The following FRMPD4 variants were observed in gnomAD, a reference collection of about 807,000 sequenced individuals.
FRMPD4 encodes the protein FERM and PDZ domain-containing protein 4.
In FRMPD4, 22 loss-of-function variants were observed where a neutral mutation model predicts 94.1. The observed-to-expected ratio is 0.23, with a 90% CI of 0.17 to 0.33. FRMPD4 has a LOEUF of 0.33. Ranked by LOEUF, FRMPD4 falls within the 10% of genes least tolerant of loss-of-function variation. FRMPD4 has a pLI of 1.00. For synonymous variants in FRMPD4, 631 were observed against 548.6 expected, an observed-to-expected ratio of 1.15 and a Z score of -2.10; for missense variants, 1,111 against 1,339.9, an observed-to-expected ratio of 0.83 and a Z score of 2.67.
rs3068660 is a variant in FRMPD4, at chrX:12,388,818, GATATATATATAT to G, written c.42-109840_42-109829del. 5.0e-3 allele frequency among the ~76,000 whole-genome samples: 304 copies of G among 60,730 alleles called. 5 individuals are homozygous for G. Among genetic ancestry groups the G allele is most frequent in the African/African-American group, 0.024 (284 of 11,984 alleles). The allele number at this position is 60,730 out of a possible 115,157, so 52.7% of individuals were successfully genotyped here. On this transcript the variant is annotated intron_variant, in intron 1 of 16. Transcript: ENST00000675598. ...ACGGATGAATGGATAAAGAAAATGT[GATATATATATAT>G]ATATATATATATATATATATACACA...
chrX:11,915,043 C>A (rs2054017429), intron 3 of FRMPD4, among the ~76,000 whole-genome samples: 1 of 111,015 alleles, frequency 9.0e-6, no homozygotes, highest in Non-Finnish European at 1.9e-5. Context: ...TCTAGCAATG[C>A]AAAAAAAAGA....
At chrX:11,987,097 T>TCAAAAAAAA (rs1569137639) in intron 3 of FRMPD4, among the ~76,000 whole-genome samples, 6 of 14,649 alleles carry the variant, frequency 4.1e-4, no homozygotes, top group African/African-American at 2.9e-3. Context: ...CAAAGACACA[T>TCAAAAAAAA]TAAAAAAAAA....
At chrX:11,840,297 A>G (rs1234464865) in intron 1 of FRMPD4, among the ~76,000 whole-genome samples, 1 of 111,629 alleles carries the variant, frequency 9.0e-6, no homozygotes, top group Non-Finnish European at 1.9e-5. Flanking sequence ...CTTTTGTTAA[A>G]TGTATTCCCA....
chrX:12,231,018 A>ATATAT (rs60562591), intron 1 of FRMPD4, among the ~76,000 whole-genome samples: 1 of 46,036 alleles, frequency 2.2e-5, no homozygotes, highest in Non-Finnish European at 4.0e-5. Flanking sequence ...TAGTATATAT[A>ATATAT]GTATATATAT....
chrX:12,168,682 G>A (rs1242138779), intron 1 of FRMPD4, among the ~76,000 whole-genome samples: 11 of 91,706 alleles, frequency 1.2e-4, no homozygotes, highest in African/African-American at 4.7e-4. Context: ...CTGGAGTGCA[G>A]TGGTGTGATC....
chrX:12,434,180 C>A (rs1030962571), intron 1 of FRMPD4, among the ~76,000 whole-genome samples: 5 of 111,917 alleles, frequency 4.5e-5, no homozygotes, highest in African/African-American at 1.6e-4. Context: ...TTGCATAAAT[C>A]AAATAATGTT....
intron 1 of FRMPD4, among the ~76,000 whole-genome samples, chrX:11,833,678 C>T (rs780596257): frequency 9.0e-6 from 1 of 111,532 alleles, no homozygotes; most frequent in African/African-American, 3.3e-5. Flanking sequence ...AGACAAGGTT[C>T]GGTGTGGGTT....
chrX:11,988,087 C>T (rs186716690), intron 3 of FRMPD4, among the ~76,000 whole-genome samples: 12 of 111,452 alleles, frequency 1.1e-4, no homozygotes, highest in Non-Finnish European at 1.3e-4. Context: ...AAAAAAACAA[C>T]CCTAACATTT....
At chrX:11,917,790 A>G (rs1307583408) in intron 3 of FRMPD4, among the ~76,000 whole-genome samples, 2 of 110,047 alleles carry the variant, frequency 1.8e-5, no homozygotes, top group African/African-American at 3.3e-5. Flanking sequence ...ATTGGGTACT[A>G]TATTCACTAC....
At chrX:12,139,467 C>T (rs1222643508) in intron 1 of FRMPD4, among the ~76,000 whole-genome samples, 1 of 109,359 alleles carries the variant, frequency 9.1e-6, no homozygotes, top group African/African-American at 3.4e-5. Context: ...AAGTCAGCTC[C>T]TAGATTGACC....
At chrX:12,348,240 G>T (rs1393745651) in intron 1 of FRMPD4, among the ~76,000 whole-genome samples, 1 of 111,977 alleles carries the variant, frequency 8.9e-6, no homozygotes, top group Non-Finnish European at 1.9e-5. Context: ...TGAAGCTTTT[G>T]TTGCAATCAG....
Position 11,932,809 on chromosome X carries a change from C to T in FRMPD4, c.95+54791C>T, listed in dbSNP as rs748644878. Among the ~76,000 whole-genome samples, 3 of 111,715 alleles carry T rather than the reference C, an allele frequency of 2.7e-5. No homozygotes were observed. In the East Asian group the frequency reaches 8.4e-4, roughly 31 times the overall value. On this transcript the variant is annotated intron_variant, in intron 3 of 18. Transcript: ENST00000640291. The stretch of plus-strand genomic sequence containing the variant: ...AACTCACATTTTCGCAGGATTTGCT[C>T]CTGATTCCATTCAGACGCCTGCTCA...
In FRMPD4 at chrX:12,721,237, A is replaced by AG. The variant is rs2042233728; in HGVS notation, c.4672dup (p.Glu1558GlyfsTer20). On this transcript the variant is annotated frameshift_variant, in exon 17 of 17. Transcript: ENST00000675598. LOFTEE classifies it high-confidence loss of function. The stretch of plus-strand genomic sequence containing the variant: ...TGGCTGTGGCGATTCAGAAGCAACG[A>AG]GGGGAGCTATCCAGAGGGTCAGTGC... 1.3e-6 allele frequency: 1 copy of AG among 754,286 alleles called. No individual in the cohort carries two copies. The highest frequency in any genetic ancestry group is 1.6e-6 in the Non-Finnish European group (1 of 639,266). The allele number at this position is 754,286 out of a possible 1,213,427, so 62.2% of individuals were successfully genotyped here. A position where few individuals can be genotyped will look rare whatever the true frequency, so the allele number is the denominator to read the frequency against.
intron 3 of FRMPD4, among the ~76,000 whole-genome samples, chrX:12,099,226 A>AT (rs1474033716): frequency 1.0e-4 from 11 of 110,220 alleles, no homozygotes; most frequent in South Asian, 7.7e-4. Context: ...ATAATAAAAA[A>AT]ATATATATAT....
chrX:11,858,992 T>C (rs2053669293), intron 1 of FRMPD4, among the ~76,000 whole-genome samples: 1 of 111,744 alleles, frequency 8.9e-6, no homozygotes. Flanking sequence ...CTTGCAGAAA[T>C]CCTTAAAAAT....
intron 1 of FRMPD4, among the ~76,000 whole-genome samples, chrX:12,289,347 C>T (rs1400195944): frequency 3.6e-5 from 4 of 112,028 alleles, no homozygotes; most frequent in South Asian, 7.4e-4. Context: ...AATCTCTAGA[C>T]CTGTGTTGTC....
chrX:12,583,081 C>T (rs1420958697), intron 2 of FRMPD4, among the ~76,000 whole-genome samples: 2 of 111,660 alleles, frequency 1.8e-5, no homozygotes, highest in East Asian at 5.6e-4. Context: ...CCTGTGGCAC[C>T]CTCATTTCTC....
chrX:12,480,333 G>GAAAAAAAAAAAAA (rs35074731), intron 1 of FRMPD4, among the ~76,000 whole-genome samples: 157 of 54,531 alleles, frequency 2.9e-3, no homozygotes, highest in African/African-American at 3.6e-3. Context: ...GAAAAGAAAT[G>GAAAAAAAAAAAAA]AAAAAAAAAA....
intron 1 of FRMPD4, among the ~76,000 whole-genome samples, chrX:11,849,793 G>A (rs971022552): frequency 3.7e-5 from 4 of 109,396 alleles, no homozygotes; most frequent in Admixed American, 2.0e-4. Context: ...TAGATCAAAA[G>A]CCTAAACATA....
Sources: gnomAD v4.1 joint callset for allele counts (sites outside exome capture counted in the v4.1 genomes callset) on GRCh38, gnomAD v4.1.1 for gene constraint, MANE v1.5 for transcripts, NCBI Gene and HGNC (gene_info 2026-07-23, HGNC 2026-07-21) for gene names.